The following NCKAP5 variants were observed in gnomAD, a reference collection of about 807,000 sequenced individuals.
NCKAP5 encodes NCK associated protein 5.
NCKAP5 carries 92 observed loss-of-function variants against 167.0 expected under a neutral mutation model. The ratio of observed to expected loss-of-function variants is 0.55; its 90% CI spans 0.47 to 0.66. NCKAP5 has a LOEUF of 0.66. Among genes scored for constraint, NCKAP5 ranks in the 30% least tolerant of loss-of-function variants. NCKAP5 has a pLI of 0.00. For missense variants in NCKAP5, 2,378 were observed against 2,315.0 expected, an observed-to-expected ratio of 1.03 and a Z score of -0.56; for synonymous variants, 891 against 877.4, an observed-to-expected ratio of 1.02 and a Z score of -0.27.
intron 3 of NCKAP5, among the ~76,000 whole-genome samples, chr2:133,357,047 T>G (rs182007487): frequency 6.6e-6 from 1 of 152,196 alleles, no homozygotes; most frequent in Non-Finnish European, 1.5e-5. Flanking sequence ...GACTGAAGTA[T>G]GTCATCTCTG....
At position 133,398,136 on chromosome 2, in the gene NCKAP5, C is replaced by T. The variant is rs147641409; in HGVS notation, c.70-95026G>A. Among the ~76,000 whole-genome samples the T allele has an allele frequency of 4.8e-3, 729 of 152,166 alleles. 4 individuals carry two copies. Among genetic ancestry groups the T allele is most frequent in the Middle Eastern group, 0.017 (5 of 294 alleles). ...TGGTGCTACTAGATAAGATCAGAGA[C>T]CTGATCCTCAGGGAATTGACAACAG... On this transcript the variant is annotated intron_variant, in intron 3 of 19. Transcript: ENST00000409261.
At chr2:133,515,321 C>T (rs1207415164) in intron 3 of NCKAP5, among the ~76,000 whole-genome samples, 2 of 152,150 alleles carry the variant, frequency 1.3e-5, no homozygotes, top group Non-Finnish European at 2.9e-5. Flanking sequence ...AGTAACTTGG[C>T]CTAAGTGCTA....
chr2:133,373,571 G>A (rs954677940), intron 3 of NCKAP5, among the ~76,000 whole-genome samples: 6 of 152,138 alleles, frequency 3.9e-5, no homozygotes, highest in Non-Finnish European at 8.8e-5. Context: ...AACTCTAAAG[G>A]TTATATGGAG....
chr2:132,948,735 G>A lies in NCKAP5; in HGVS notation c.579+14985C>T, dbSNP rs149088916. ...GGGAACAAGGCCTCGTGGAAGCCCCGGCTTCTGAGATGACTACAGAGCCAG... is the reference window on the plus strand; with the variant it reads ...GGGAACAAGGCCTCGTGGAAGCCCCAGCTTCTGAGATGACTACAGAGCCAG... On this transcript the variant is annotated intron_variant, in intron 8 of 19. Transcript: ENST00000409261. Among the ~76,000 whole-genome samples, 17 of 152,128 alleles carry A rather than the reference G, an allele frequency of 1.1e-4. No homozygotes were observed. The East Asian group carries it at 1.5e-3, about 14-fold the overall frequency.
intron 19 of NCKAP5, among the ~76,000 whole-genome samples, chr2:132,701,245 T>C (rs112608394): frequency 2.6e-5 from 4 of 152,226 alleles, no homozygotes; most frequent in African/African-American, 7.2e-5. Context: ...AATCATCTTG[T>C]AGGGTTTCCA....
chr2:133,592,691 C>T, the NCKAP5 span, among the ~76,000 whole-genome samples: 2 of 152,204 alleles, frequency 1.3e-5, no homozygotes, highest in African/African-American at 4.8e-5. Flanking sequence ...TTATAAAAGG[C>T]ATCTTTGATT....
At chr2:133,066,882 T>C (rs1202702461) in intron 6 of NCKAP5, among the ~76,000 whole-genome samples, 1 of 152,206 alleles carries the variant, frequency 6.6e-6, no homozygotes, top group African/African-American at 2.4e-5. Flanking sequence ...CCAGAGCGAT[T>C]ATCTCAATTT....
chr2:133,278,908 A>C (rs1371791777), intron 4 of NCKAP5, among the ~76,000 whole-genome samples: 1 of 152,138 alleles, frequency 6.6e-6, no homozygotes, highest in Non-Finnish European at 1.5e-5. Context: ...ACATAGGAAG[A>C]GGTAGTCAAG....
intron 6 of NCKAP5, among the ~76,000 whole-genome samples, chr2:133,109,331 C>G (rs907921387): frequency 2.6e-5 from 4 of 152,138 alleles, no homozygotes; most frequent in African/African-American, 9.7e-5. Flanking sequence ...ACATGTACTA[C>G]TGAAAAACAA....
At chr2:133,488,963 C>T (rs1368444515) in intron 3 of NCKAP5, among the ~76,000 whole-genome samples, 1 of 151,808 alleles carries the variant, frequency 6.6e-6, no homozygotes, top group Non-Finnish European at 1.5e-5. Context: ...GTGGTGCATG[C>T]CTGTGGTCCC....
the NCKAP5 span, among the ~76,000 whole-genome samples, chr2:133,668,647 A>T: frequency 3.3e-5 from 5 of 151,906 alleles, no homozygotes; most frequent in African/African-American, 1.2e-4. Context: ...TTGTCTTTTT[A>T]TAGTTGAGTT....
intron 3 of NCKAP5, among the ~76,000 whole-genome samples, chr2:133,329,431 C>T (rs1425420057): frequency 3.9e-5 from 6 of 152,086 alleles, no homozygotes; most frequent in Middle Eastern, 6.8e-3. Flanking sequence ...CACAGGGGAG[C>T]GCCAGGTAGA....
At chr2:133,538,177 T>C (rs115013958) in intron 2 of NCKAP5, among the ~76,000 whole-genome samples, 2,629 of 152,326 alleles carry the variant, frequency 0.017, 92 homozygotes, top group African/African-American at 0.061. Context: ...AAGGCACTAC[T>C]CTACTATTGC....
chr2:133,376,412 C>T (rs1212312697), intron 3 of NCKAP5, among the ~76,000 whole-genome samples: 2 of 152,186 alleles, frequency 1.3e-5, no homozygotes, highest in African/African-American at 4.8e-5. Context: ...CCCCCGTTTG[C>T]CCGAGTCCTC....
At chr2:133,614,015 C>A in the NCKAP5 span, among the ~76,000 whole-genome samples, 7 of 152,122 alleles carry the variant, frequency 4.6e-5, no homozygotes, top group African/African-American at 1.7e-4. Context: ...GCTTGCAGCC[C>A]CTGCTCGGAT....
intron 6 of NCKAP5, among the ~76,000 whole-genome samples, chr2:133,113,346 G>A (rs566603638): frequency 6.6e-6 from 1 of 152,178 alleles, no homozygotes; most frequent in Non-Finnish European, 1.5e-5. Flanking sequence ...ATTTCTATCA[G>A]CTAAACTGTT....
intron 8 of NCKAP5, among the ~76,000 whole-genome samples, chr2:132,892,053 C>T (rs1382018300): frequency 6.6e-6 from 1 of 152,146 alleles, no homozygotes; most frequent in Admixed American, 6.5e-5. Flanking sequence ...CACTCACAGG[C>T]TTTAATGCAG....
intron 7 of NCKAP5, among the ~76,000 whole-genome samples, chr2:132,971,136 G>T (rs915030975): frequency 1.1e-4 from 16 of 152,222 alleles, no homozygotes; most frequent in Admixed American, 6.5e-5. Context: ...TCTTGCAGAA[G>T]AAGATAGCTA....
chr2:133,489,776 C>T (rs1451461664), intron 3 of NCKAP5, among the ~76,000 whole-genome samples: 1 of 152,180 alleles, frequency 6.6e-6, no homozygotes, highest in Non-Finnish European at 1.5e-5. Context: ...ATGCCCAAGG[C>T]CCTGGACATT....
Sources: gnomAD v4.1 joint callset for allele counts (sites outside exome capture counted in the v4.1 genomes callset) on GRCh38, gnomAD v4.1.1 for gene constraint, MANE v1.5 for transcripts, NCBI Gene and HGNC (gene_info 2026-07-23, HGNC 2026-07-21) for gene names.